VEPH1: variants seen among roughly 807,000 people sequenced by gnomAD.
VEPH1 encodes ventricular zone expressed PH domain containing 1, also known as ventricular zone-expressed PH domain-containing protein homolog 1.
In VEPH1, 80 loss-of-function variants were observed where a neutral mutation model predicts 85.2. That is an observed-to-expected ratio of 0.94 (90% CI 0.78 to 1.13). The LOEUF (loss-of-function observed/expected upper bound fraction) is 1.13, where lower values mean the gene tolerates loss of function less well. Among genes scored for constraint, VEPH1 ranks in the 50% most tolerant of loss-of-function variants. The pLI is 0.00. For missense variants in VEPH1, 955 were observed against 980.5 expected (o/e 0.97, Z 0.35); for synonymous variants, 297 against 348.0 (o/e 0.85, Z 1.63).
chr3:157,369,192 A>ACAAAC lies in VEPH1; in HGVS notation c.1128-4681_1128-4680insGTTTG, dbSNP rs1553773116. On this transcript the variant is annotated intron_variant, in intron 7 of 13. Transcript: ENST00000362010. ...ACAAAAACCAAATGAAAAAAAAAAAAAAAAAAAAAAAACCTCCTGAGGTCT... is the reference window on the plus strand; with the variant it reads ...ACAAAAACCAAATGAAAAAAAAAAAACAAACAAAAAAAAAAAACCTCCTGAGGTCT... Among the ~76,000 whole-genome samples the ACAAAC allele has an allele frequency of 1.7e-3, 241 of 142,782 alleles. 5 individuals are homozygous for ACAAAC. The highest frequency in any genetic ancestry group is 5.6e-3 in the African/African-American group (223 of 39,892). The allele number at this position is 142,782 out of a possible 152,430, so 93.7% of individuals were successfully genotyped here.
chr3:157,493,329 G>T (rs1235057740), intron 2 of VEPH1: 1 of 455,534 alleles, frequency 2.2e-6, no homozygotes, highest in Non-Finnish European at 4.4e-6. Context: ...TGATTACTGA[G>T]ATCCAAGGTC....
Position 157,364,370 on chromosome 3 carries a change from C to G in VEPH1, c.1270G>C (p.Gly424Arg), listed in dbSNP as rs144626872. The change falls in exon 8 of 14, where the codon GGC (glycine) becomes CGC (arginine). Residue 424 changes from glycine to arginine, a missense_variant. Gly to Arg is a moderately radical substitution (Grantham distance 125). Coordinates refer to ENST00000362010, the MANE Select transcript of VEPH1 (RefSeq NM_001167912.2). ...CCCAGACTATATCTTCTGATAGAGC[C>G]AGGGGTATTGCTCCCTGCATTTATC... ...DKINAGSNTP[G>R]SIRRYSLGQV... The G allele has an allele frequency of 3.7e-6, 6 of 1,613,804 alleles. No homozygotes were observed. The African/African-American group carries it at 6.7e-5, about 18-fold the overall frequency.
intron 1 of VEPH1, among the ~76,000 whole-genome samples, chr3:157,497,990 GAGTGACCAA>G (rs1431180440): frequency 1.3e-5 from 2 of 152,200 alleles, no homozygotes; most frequent in African/African-American, 4.8e-5. Flanking sequence ...TACAATATGG[GAGTGACCAA>G]GAGAAAAATC....
intron 6 of VEPH1, among the ~76,000 whole-genome samples, chr3:157,406,321 C>CT (rs1731138416): frequency 1.3e-5 from 2 of 152,116 alleles, no homozygotes; most frequent in South Asian, 4.2e-4. Context: ...TTTTTTTAGT[C>CT]TTGATTTGTA....
At chr3:157,268,286 C>T (rs768004677) in intron 12 of VEPH1, among the ~76,000 whole-genome samples, 19 of 152,098 alleles carry the variant, frequency 1.2e-4, no homozygotes, top group African/African-American at 3.4e-4. Context: ...CAGTGCCTGC[C>T]GGGCTAGAGC....
chr3:157,389,645 AGATAGATAGAT>A (rs1729653759), intron 6 of VEPH1, among the ~76,000 whole-genome samples: 1 of 133,350 alleles, frequency 7.5e-6, no homozygotes, highest in African/African-American at 3.1e-5. Context: ...ATAGATAGAT[AGATAGATAGAT>A]AGATAGATAG....
chr3:157,438,000 T>C, intron 4 of VEPH1: 10 of 1,442,018 alleles, frequency 6.9e-6, no homozygotes, highest in East Asian at 2.8e-5. Flanking sequence ...GGCAACCTTC[T>C]AGGGGAAGCT....
At chr3:157,391,723 A>G (rs1729871442) in intron 6 of VEPH1, among the ~76,000 whole-genome samples, 1 of 152,266 alleles carries the variant, frequency 6.6e-6, no homozygotes, top group African/African-American at 2.4e-5. Context: ...GCATCTACAC[A>G]TAAGAAATCC....
intron 4 of VEPH1, among the ~76,000 whole-genome samples, chr3:157,451,771 T>A (rs930040800): frequency 3.3e-5 from 5 of 152,212 alleles, no homozygotes; most frequent in Non-Finnish European, 7.3e-5. Context: ...ATCAACTTTT[T>A]AATCAGTGTT....
At chr3:157,481,765 T>C (rs2109603542) in intron 2 of VEPH1, among the ~76,000 whole-genome samples, 1 of 152,348 alleles carries the variant, frequency 6.6e-6, no homozygotes, top group South Asian at 2.1e-4. Context: ...TTAATCCACC[T>C]TGAGTTAATC....
chr3:157,363,673 T>C lies in VEPH1; in HGVS notation c.1426A>G (p.Ser476Gly), dbSNP rs1261259324. The C allele has an allele frequency of 1.2e-6, 2 of 1,614,182 alleles. No individual in the cohort carries two copies. The highest frequency in any genetic ancestry group is 1.3e-5 in the African/African-American group (1 of 75,054). Residue 476 changes from serine to glycine, a missense_variant, in exon 9 of 14, where the codon AGC becomes GGC. Coordinates refer to ENST00000362010, the MANE Select transcript of VEPH1 (RefSeq NM_001167912.2). Reference protein sequence around the residue: ...EDENRGDIPASISLSEIDPLG... With the variant: ...EDENRGDIPAGISLSEIDPLG... ...GGGTCTATTTCTGAAAGAGAGATGCTGGCTGGTATGTCTCCCCTGTTTTCA... is the reference window on the plus strand; with the variant it reads ...GGGTCTATTTCTGAAAGAGAGATGCCGGCTGGTATGTCTCCCCTGTTTTCA...
intron 9 of VEPH1, among the ~76,000 whole-genome samples, chr3:157,345,993 C>A (rs1027509875): frequency 1.3e-5 from 2 of 148,344 alleles, no homozygotes; most frequent in African/African-American, 5.0e-5. Flanking sequence ...AACACTTGGA[C>A]ACAGGAAGGG....
At chr3:157,498,072 A>C (rs757150017) in intron 1 of VEPH1, among the ~76,000 whole-genome samples, 47 of 152,222 alleles carry the variant, frequency 3.1e-4, no homozygotes, top group Non-Finnish European at 5.7e-4. Context: ...CTTCCAGGGG[A>C]AGATGATAAT....
intron 11 of VEPH1, among the ~76,000 whole-genome samples, chr3:157,303,127 C>A (rs568103325): frequency 6.6e-6 from 1 of 152,208 alleles, no homozygotes; most frequent in African/African-American, 2.4e-5. Flanking sequence ...TCTAATACAC[C>A]AAAGCTTTTC....
chr3:157,300,503 A>G (rs780083109), intron 11 of VEPH1, among the ~76,000 whole-genome samples: 10 of 152,210 alleles, frequency 6.6e-5, no homozygotes, highest in Non-Finnish European at 1.3e-4. Flanking sequence ...AAACTGAGAA[A>G]ACATTTCTAT....
intron 4 of VEPH1, among the ~76,000 whole-genome samples, chr3:157,456,954 T>C (rs983213122): frequency 1.3e-5 from 2 of 152,218 alleles, no homozygotes. Flanking sequence ...ATCTATAAAT[T>C]ACTTTGGGCA....
At chr3:157,382,798 G>T (rs577432517) in intron 6 of VEPH1, among the ~76,000 whole-genome samples, 102 of 152,194 alleles carry the variant, frequency 6.7e-4, no homozygotes, top group African/African-American at 2.4e-3. Context: ...AATTTTTACT[G>T]CATTATAGAC....
intron 6 of VEPH1, among the ~76,000 whole-genome samples, chr3:157,385,531 T>C (rs1369834020): frequency 1.3e-5 from 2 of 152,142 alleles, no homozygotes; most frequent in Non-Finnish European, 1.5e-5. Context: ...CATTAAAAAA[T>C]CACATTTTCA....
At chr3:157,369,180 G>GGAAAAAAAAAAAAAAAAAAAAAAAAA (rs1553773035) in intron 7 of VEPH1, among the ~76,000 whole-genome samples, 3 of 42,786 alleles carry the variant, frequency 7.0e-5, no homozygotes, top group Non-Finnish European at 4.0e-5. Context: ...AAAACCAAAT[G>GGAAAAAAAAAAAAAAAAAAAAAAAAA]AAAAAAAAAA....
Sources: allele counts gnomAD v4.1 joint callset (sites outside exome capture counted in the v4.1 genomes callset), GRCh38; gene constraint gnomAD v4.1.1; transcripts MANE v1.5; gene names NCBI Gene and HGNC (gene_info 2026-07-23, HGNC 2026-07-21).